CCDC171: variants seen among roughly 807,000 people sequenced by gnomAD.
CCDC171 encodes coiled-coil domain-containing protein 171.
A neutral mutation model predicts 168.2 loss-of-function variants in CCDC171; 177 were observed. That is an observed-to-expected ratio of 1.05 (90% confidence interval 0.93 to 1.19). CCDC171 has a LOEUF of 1.19. CCDC171 is among the 50% of genes most tolerant of loss of function. The pLI, the probability that CCDC171 is intolerant of heterozygous loss-of-function variation, is 0.00. For synonymous variants in CCDC171, 687 were observed against 540.8 expected, an observed-to-expected ratio of 1.27 and a Z score of -3.75; for missense variants, 1,991 against 1,539.0, an observed-to-expected ratio of 1.29 and a Z score of -4.91.
chr9:15,638,770 A>C (rs1032191246), intron 7 of CCDC171, among the ~76,000 whole-genome samples: 7 of 151,974 alleles, frequency 4.6e-5, no homozygotes, highest in African/African-American at 1.4e-4. Context: ...ATTAAAAAAA[A>C]ACAAACAAAC....
At chr9:15,712,222 C>T (rs987229937) in intron 11 of CCDC171, among the ~76,000 whole-genome samples, 1 of 152,180 alleles carries the variant, frequency 6.6e-6, no homozygotes, top group Non-Finnish European at 1.5e-5. Flanking sequence ...TGTTAATCTC[C>T]CTTGCAGACA....
chr9:15,845,327 C>G (rs1261758682), intron 21 of CCDC171, among the ~76,000 whole-genome samples: 1 of 151,938 alleles, frequency 6.6e-6, no homozygotes, highest in Non-Finnish European at 1.5e-5. Flanking sequence ...AGATTTAAAA[C>G]AAAATACAAT....
At chr9:16,035,755 G>T (rs1382585260) in intron 7 of CCDC171, among the ~76,000 whole-genome samples, 1 of 152,148 alleles carries the variant, frequency 6.6e-6, no homozygotes, top group Non-Finnish European at 1.5e-5. Context: ...GATTAGAAGA[G>T]GGGATTGATA....
At chr9:15,869,264 A>G (rs2061925040) in intron 23 of CCDC171, among the ~76,000 whole-genome samples, 2 of 151,928 alleles carry the variant, frequency 1.3e-5, no homozygotes, top group African/African-American at 4.8e-5. Context: ...TTGATTAATT[A>G]GATAGTTAAA....
chr9:16,021,574 A>G (rs1165077344), intron 4 of CCDC171, among the ~76,000 whole-genome samples: 1 of 152,184 alleles, frequency 6.6e-6, no homozygotes, highest in Non-Finnish European at 1.5e-5. Context: ...ATTTGCAATA[A>G]ATTGCTTAAT....
the CCDC171 span, among the ~76,000 whole-genome samples, chr9:16,102,584 T>C: frequency 6.6e-6 from 1 of 152,130 alleles, no homozygotes; most frequent in Non-Finnish European, 1.5e-5. Flanking sequence ...TGGATTAAGT[T>C]TCTGTGAAGA....
chr9:15,706,425 A>C (rs1357848591), intron 11 of CCDC171, among the ~76,000 whole-genome samples: 2 of 151,926 alleles, frequency 1.3e-5, no homozygotes, highest in Non-Finnish European at 2.9e-5. Flanking sequence ...AGTAGCTGGG[A>C]CTACAGCACA....
chr9:16,065,337 T>C (rs1178406653), downstream of CCDC171, among the ~76,000 whole-genome samples: 1 of 151,950 alleles, frequency 6.6e-6, no homozygotes, highest in African/African-American at 2.4e-5. Flanking sequence ...CCCCACCACT[T>C]CTGGGACGTT....
chr9:15,619,462 A>T (rs767458443), intron 6 of CCDC171, among the ~76,000 whole-genome samples: 1 of 152,228 alleles, frequency 6.6e-6, no homozygotes, highest in Non-Finnish European at 1.5e-5. Flanking sequence ...CAGCCACAGC[A>T]TTCCCTTAAG....
At chr9:15,944,639 C>T (rs953884161) in intron 25 of CCDC171, among the ~76,000 whole-genome samples, 1 of 151,960 alleles carries the variant, frequency 6.6e-6, no homozygotes, top group Non-Finnish European at 1.5e-5. Flanking sequence ...AGTAGCTAGG[C>T]ATGCGGGTTT....
chr9:15,873,233 T>C (rs373080042), intron 23 of CCDC171, among the ~76,000 whole-genome samples: 9 of 152,176 alleles, frequency 5.9e-5, no homozygotes, highest in African/African-American at 2.2e-4. Flanking sequence ...AGAGTTTGTT[T>C]TGTGAAATGT....
intron 1 of CCDC171, among the ~76,000 whole-genome samples, chr9:15,560,182 T>G (rs371920028): frequency 1.2e-4 from 18 of 152,288 alleles, no homozygotes; most frequent in African/African-American, 4.3e-4. Flanking sequence ...ATTTCAACTT[T>G]GGTGAATCTG....
At chr9:15,741,256 C>T (rs1366895857) in intron 16 of CCDC171, among the ~76,000 whole-genome samples, 1 of 152,196 alleles carries the variant, frequency 6.6e-6, no homozygotes, top group Non-Finnish European at 1.5e-5. Context: ...TCACTCCAAA[C>T]AGAAACCCTG....
chr9:15,647,367 C>T (rs2047130441), intron 7 of CCDC171, among the ~76,000 whole-genome samples: 1 of 152,086 alleles, frequency 6.6e-6, no homozygotes, highest in South Asian at 2.1e-4. Flanking sequence ...CAAACACATT[C>T]AAAAGCTAGC....
rs868586690 is a variant in CCDC171 at position 15,668,273 on chromosome 9, G to A, written c.1076+1950G>A. On this transcript the variant is annotated intron_variant, in intron 9 of 25. Coordinates refer to ENST00000380701, the MANE Select transcript of CCDC171 (RefSeq NM_173550.4). Reference sequence around the variant, plus strand: ...GAGTCTTATAAAGATTGGACTGGAGGAATTTTAACCTACTTGCTAACACTT... The same window carrying A: ...GAGTCTTATAAAGATTGGACTGGAGAAATTTTAACCTACTTGCTAACACTT... Among the ~76,000 whole-genome samples the A allele has an allele frequency of 1.3e-3, 193 of 152,224 alleles. 1 individual carries two copies. Among genetic ancestry groups the A allele is most frequent in the African/African-American group, 4.5e-3 (187 of 41,548 alleles).
intron 20 of CCDC171, among the ~76,000 whole-genome samples, chr9:15,780,527 A>G (rs1400513268): frequency 1.3e-5 from 2 of 152,098 alleles, no homozygotes; most frequent in African/African-American, 4.8e-5. Context: ...TAAAAAAAAA[A>G]TTATATTTAT....
At chr9:16,017,604 A>G (rs1331163807) in intron 3 of CCDC171, among the ~76,000 whole-genome samples, 1 of 152,198 alleles carries the variant, frequency 6.6e-6, no homozygotes, top group Non-Finnish European at 1.5e-5. Flanking sequence ...CTTATACTTA[A>G]TTTGTTTTTC....
chr9:15,806,910 T>G (rs1166524945), intron 21 of CCDC171, among the ~76,000 whole-genome samples: 1 of 152,018 alleles, frequency 6.6e-6, no homozygotes, highest in Non-Finnish European at 1.5e-5. Flanking sequence ...TCTCAGAGGC[T>G]TTATTTGTTT....
the CCDC171 span, among the ~76,000 whole-genome samples, chr9:16,077,379 C>T: frequency 3.3e-5 from 5 of 152,148 alleles, no homozygotes; most frequent in Non-Finnish European, 7.4e-5. Context: ...TAGCATTATA[C>T]CTGCACACCC....
Sources: gnomAD v4.1 joint callset for allele counts (sites outside exome capture counted in the v4.1 genomes callset) on GRCh38, gnomAD v4.1.1 for gene constraint, MANE v1.5 for transcripts, NCBI Gene and HGNC (gene_info 2026-07-23, HGNC 2026-07-21) for gene names.